The following PAWR variants were observed in gnomAD, a reference collection of about 807,000 sequenced individuals.
PAWR encodes the protein PRKC apoptosis WT1 regulator protein.
A neutral mutation model predicts 32.0 loss-of-function variants in PAWR; 23 were observed. That is an observed-to-expected ratio of 0.72 (90% CI 0.52 to 1.02). PAWR has a LOEUF of 1.02. PAWR is among the 50% of genes least tolerant of loss of function. The pLI is 0.00. For synonymous variants in PAWR, 226 were observed against 187.1 expected, an observed-to-expected ratio of 1.21 and a Z score of -1.70; for missense variants, 457 against 437.7, an observed-to-expected ratio of 1.04 and a Z score of -0.39.
Position 79,589,750 on chromosome 12 carries a change from G to C in PAWR, c.*2857C>G, listed in dbSNP as rs1041946337. ...GGCAAGTCATGTTCATTTTAAAGAT[G>C]ACAAACTTACTATTTTGAAAATGAG... On this transcript the variant is annotated 3_prime_UTR_variant, in exon 7 of 7. Coordinates refer to ENST00000328827, the MANE Select transcript of PAWR (RefSeq NM_002583.4). The C allele has an allele frequency of 6.6e-6, 1 of 152,098 alleles. No individual in the cohort carries two copies. The allele number at this position is 152,098 out of a possible 1,614,324, so 9.4% of individuals were successfully genotyped here.
chr12:79,640,440 C>T (rs1430394418), intron 2 of PAWR, among the ~76,000 whole-genome samples: 2 of 152,152 alleles, frequency 1.3e-5, no homozygotes, highest in African/African-American at 4.8e-5. Flanking sequence ...TCTTCTCAAG[C>T]TGATTAGTAT....
chr12:79,659,532 T>G (rs921241358), intron 2 of PAWR, among the ~76,000 whole-genome samples: 1 of 152,156 alleles, frequency 6.6e-6, no homozygotes, highest in Non-Finnish European at 1.5e-5. Context: ...GAAAGCCCAT[T>G]AGCATACATT....
intron 3 of PAWR, among the ~76,000 whole-genome samples, chr12:79,616,952 G>A (rs1566003861): frequency 6.6e-6 from 1 of 152,184 alleles, no homozygotes; most frequent in Non-Finnish European, 1.5e-5. Flanking sequence ...TATTTCAATA[G>A]TTAAGATTTT....
intron 4 of PAWR, among the ~76,000 whole-genome samples, chr12:79,611,526 A>G (rs1341255397): frequency 6.6e-6 from 1 of 151,912 alleles, no homozygotes. Flanking sequence ...AATGAAAATA[A>G]CAAACTGTTG....
chr12:79,622,095 C>G (rs1459176330), intron 2 of PAWR, among the ~76,000 whole-genome samples: 1 of 151,532 alleles, frequency 6.6e-6, no homozygotes. Flanking sequence ...CAAAGTATAA[C>G]AGTATGGCAG....
rs200432884 is a variant in PAWR at position 79,670,876 on chromosome 12, G to GT, written c.516+18852_516+18853insA. Among the ~76,000 whole-genome samples, 297 of 148,936 alleles carry GT rather than the reference G, an allele frequency of 2.0e-3. 2 individuals carry two copies. The highest frequency in any genetic ancestry group is 7.1e-3 in the African/African-American group (285 of 40,128). ...ATATGTTTGCCACTTTTTTTTTAGG[G>GT]GTTTTTTTTTTTCATTATTTCCCTA... On this transcript the variant is annotated intron_variant, in intron 2 of 6. Transcript: ENST00000328827.
intron 2 of PAWR, among the ~76,000 whole-genome samples, chr12:79,650,226 T>TAC (rs1876774679): frequency 6.6e-6 from 1 of 152,336 alleles, no homozygotes; most frequent in African/African-American, 2.4e-5. Context: ...ACTTCACAAT[T>TAC]AAAGTATATT....
At chr12:79,624,079 C>T (rs576331392) in intron 2 of PAWR, among the ~76,000 whole-genome samples, 46 of 152,242 alleles carry the variant, frequency 3.0e-4, no homozygotes, top group South Asian at 2.1e-3. Context: ...ACTTATTCTC[C>T]AGCATATGGA....
At chr12:79,678,727 T>C (rs924672384) in intron 2 of PAWR, among the ~76,000 whole-genome samples, 2 of 152,268 alleles carry the variant, frequency 1.3e-5, no homozygotes, top group African/African-American at 4.8e-5. Context: ...TTGCACGTGC[T>C]ATTTGCTCTA....
rs770065313 is a variant in PAWR at position 79,689,693 on chromosome 12, CCGGCCCGGTCCGGCTG to C, written c.516+20_516+35del. The C allele has an allele frequency of 6.5e-7, 1 of 1,528,184 alleles. No individual in the cohort carries two copies. Among genetic ancestry groups the C allele is most frequent in the South Asian group, 1.2e-5 (1 of 83,056 alleles). The allele number at this position is 1,528,184 out of a possible 1,614,324, so 94.7% of individuals were successfully genotyped here. ...AGACACCGGGAGGCAGCTGCCCGCC[CCGGCCCGGTCCGGCTG>C]CGGCCCCCGCCCGGCTCACCTCTGC... On this transcript the variant is annotated intron_variant, in intron 2 of 6. Coordinates refer to ENST00000328827, the MANE Select transcript of PAWR (RefSeq NM_002583.4).
chr12:79,690,451 GGGTCTGCCCCC>G, intron 1 of PAWR, 60 bp from the exon 2 acceptor site: 1 of 1,110,590 alleles, frequency 9.0e-7, no homozygotes. Flanking sequence ...CCCGACCCAA[GGGTCTGCCCCC>G]GGGCTGCGCC....
chr12:79,600,585 G>A (rs1040275775), intron 4 of PAWR, among the ~76,000 whole-genome samples: 5 of 149,998 alleles, frequency 3.3e-5, no homozygotes, highest in African/African-American at 1.2e-4. Flanking sequence ...AGGCTCAAGT[G>A]ATCCTTCCAC....
chr12:79,633,887 A>T (rs1875834504), intron 2 of PAWR, among the ~76,000 whole-genome samples: 1 of 152,198 alleles, frequency 6.6e-6, no homozygotes, highest in Admixed American at 6.5e-5. Context: ...AGAGATGTAT[A>T]CTGAAGTATT....
At chr12:79,597,057 CTT>C (rs571008109) in intron 4 of PAWR, 48 of 137,120 alleles carry the variant, frequency 3.5e-4, no homozygotes, top group Non-Finnish European at 4.0e-4. Context: ...CCCAGATTAT[CTT>C]TTTTTTTTTT....
chr12:79,633,542 A>C (rs192507092), intron 2 of PAWR, among the ~76,000 whole-genome samples: 100 of 152,258 alleles, frequency 6.6e-4, no homozygotes, highest in African/African-American at 2.2e-3. Context: ...TTCTTTTATA[A>C]ACAGCCCTTT....
intron 2 of PAWR, among the ~76,000 whole-genome samples, chr12:79,670,162 T>C (rs1377569854): frequency 6.6e-6 from 1 of 152,308 alleles, no homozygotes; most frequent in African/African-American, 2.4e-5. Flanking sequence ...GTTTCTATTG[T>C]TTTTCCCCCA....
At chr12:79,594,498 G>A (rs1592488121) in intron 5 of PAWR, 65 bp from the exon 6 acceptor site, 1 of 745,240 alleles carries the variant, frequency 1.3e-6, no homozygotes, top group East Asian at 2.7e-5. Context: ...TTCCTAAGTG[G>A]CATATATCTC....
intron 3 of PAWR, among the ~76,000 whole-genome samples, chr12:79,614,692 A>G (rs1482796797): frequency 6.6e-6 from 1 of 152,228 alleles, no homozygotes; most frequent in Non-Finnish European, 1.5e-5. Flanking sequence ...AGTTGCCAAG[A>G]GAGATCCTAC....
chr12:79,675,606 C>T (rs1878125607), intron 2 of PAWR, among the ~76,000 whole-genome samples: 1 of 152,044 alleles, frequency 6.6e-6, no homozygotes, highest in Non-Finnish European at 1.5e-5. Context: ...GAGCTAGAGG[C>T]CATTATCCTA....
Sources: gnomAD v4.1 joint callset for allele counts (sites outside exome capture counted in the v4.1 genomes callset) on GRCh38, gnomAD v4.1.1 for gene constraint, MANE v1.5 for transcripts, NCBI Gene and HGNC (gene_info 2026-07-23, HGNC 2026-07-21) for gene names.